Variants in SCAI observed in about 807,000 individuals in gnomAD.
SCAI encodes the protein suppressor of cancer cell invasion.
Under a neutral mutation model 92.2 loss-of-function variants are expected in SCAI, and 24 were observed. That is an observed-to-expected ratio of 0.26 (90% CI 0.19 to 0.37). SCAI has a LOEUF of 0.37. Among genes scored for constraint, SCAI ranks in the 10% least tolerant of loss-of-function variants. SCAI has a pLI of 1.00. For missense variants in SCAI, 450 were observed against 736.2 expected, an observed-to-expected ratio of 0.61 and a Z score of 4.50; for synonymous variants, 261 against 258.6, an observed-to-expected ratio of 1.01 and a Z score of -0.09.
intron 15 of SCAI, among the ~76,000 whole-genome samples, chr9:124,972,909 T>A (rs936002271): frequency 6.6e-6 from 1 of 152,224 alleles, no homozygotes; most frequent in Non-Finnish European, 1.5e-5. Context: ...AAGTTCATTC[T>A]CTAGGACATT....
At chr9:125,141,896 G>A (rs564915634) in intron 2 of SCAI, among the ~76,000 whole-genome samples, 1 of 152,308 alleles carries the variant, frequency 6.6e-6, no homozygotes, top group South Asian at 2.1e-4. Flanking sequence ...TTCGTACACA[G>A]TACTTGGCAC....
At chr9:124,992,160 C>T (rs1832141693) in intron 14 of SCAI, among the ~76,000 whole-genome samples, 2 of 152,148 alleles carry the variant, frequency 1.3e-5, no homozygotes, top group South Asian at 4.1e-4. Flanking sequence ...TCAAGTGATC[C>T]TCTTGCCTTG....
chr9:125,143,320 G>A, intron 1 of SCAI, 65 bp downstream of exon 1: 11 of 1,002,462 alleles, frequency 1.1e-5, no homozygotes, highest in Non-Finnish European at 1.4e-5. Context: ...CCGAGCCGCT[G>A]CCCCTGGGCC....
chr9:124,964,972 T>G (rs564125153), intron 17 of SCAI, among the ~76,000 whole-genome samples: 1 of 151,724 alleles, frequency 6.6e-6, no homozygotes, highest in Non-Finnish European at 1.5e-5. Context: ...TTCACTTCTC[T>G]TCCTTACTAA....
At chr9:124,968,910 G>A in intron 17 of SCAI, 19 of 431,348 alleles carry the variant, frequency 4.4e-5, no homozygotes, top group South Asian at 2.3e-4. Flanking sequence ...CCAAACTGTA[G>A]GAAATCTCCA....
chr9:125,128,879 A>G (rs761595194), intron 2 of SCAI, among the ~76,000 whole-genome samples: 10 of 151,962 alleles, frequency 6.6e-5, no homozygotes, highest in Non-Finnish European at 1.5e-4. Context: ...CCTGGCCAAC[A>G]TGGAGAAACC....
chr9:125,044,127 G>A (rs952429632), intron 3 of SCAI, among the ~76,000 whole-genome samples: 5 of 152,112 alleles, frequency 3.3e-5, no homozygotes, highest in Non-Finnish European at 7.4e-5. Flanking sequence ...TGCTCATGAC[G>A]GCACTGATTC....
intron 6 of SCAI, among the ~76,000 whole-genome samples, chr9:125,021,868 G>A (rs1403869378): frequency 6.6e-6 from 1 of 152,066 alleles, no homozygotes; most frequent in Non-Finnish European, 1.5e-5. Context: ...AGCCTTCTGA[G>A]TAGCTGGCCT....
intron 2 of SCAI, among the ~76,000 whole-genome samples, chr9:125,057,418 A>C (rs1270023940): frequency 6.6e-6 from 1 of 152,164 alleles, no homozygotes; most frequent in Admixed American, 6.5e-5. Flanking sequence ...TAATGACTAA[A>C]TTTCCCAGAA....
At chr9:124,963,888 TGGA>T (rs1193625152) in intron 17 of SCAI, among the ~76,000 whole-genome samples, 2 of 150,322 alleles carry the variant, frequency 1.3e-5, no homozygotes, top group Admixed American at 1.3e-4. Flanking sequence ...GAGTAGGCTG[TGGA>T]GGAGGAGGAG....
intron 2 of SCAI, among the ~76,000 whole-genome samples, chr9:125,109,920 T>G (rs1834898599): frequency 1.3e-5 from 2 of 152,258 alleles, no homozygotes; most frequent in Non-Finnish European, 1.5e-5. Flanking sequence ...ACTCCTGACC[T>G]CAAGTGACCC....
At chr9:125,142,956 A>G (rs1434570097) in intron 1 of SCAI, among the ~76,000 whole-genome samples, 2 of 150,730 alleles carry the variant, frequency 1.3e-5, no homozygotes, top group Non-Finnish European at 3.0e-5. Context: ...GCTCCCCAAA[A>G]TCACCCACCT....
In SCAI at chr9:125,073,092, A is replaced by ATTTTTTTTTTTTTTTTTTTTT. The variant is rs764858681; in HGVS notation, c.99-17106_99-17086dup. ...GGATCATATGAGGATTCTATTTTTA[A>ATTTTTTTTTTTTTTTTTTTTT]TTTTTTTTTTTTTTTTTTTTTTTTT... On this transcript the variant is annotated intron_variant, in intron 2 of 17. Coordinates refer to ENST00000336505, the MANE Select transcript of SCAI (RefSeq NM_001144877.3). 8.3e-5 allele frequency among the ~76,000 whole-genome samples: 6 copies of ATTTTTTTTTTTTTTTTTTTTT among 72,478 alleles called. 1 individual carries two copies. Among genetic ancestry groups the ATTTTTTTTTTTTTTTTTTTTT allele is most frequent in the African/African-American group, 2.2e-4 (4 of 18,512 alleles). The allele number at this position is 72,478 out of a possible 152,430, so 47.5% of individuals were successfully genotyped here. A position where few individuals can be genotyped will look rare whatever the true frequency, so the allele number is the denominator to read the frequency against.
chr9:125,074,961 A>C (rs1308266826), intron 2 of SCAI, among the ~76,000 whole-genome samples: 1 of 152,070 alleles, frequency 6.6e-6, no homozygotes, highest in Non-Finnish European at 1.5e-5. Flanking sequence ...ACACCACTAC[A>C]CTTCAGTCTG....
intron 9 of SCAI, among the ~76,000 whole-genome samples, chr9:125,003,854 C>T (rs1045940439): frequency 1.3e-5 from 2 of 152,062 alleles, no homozygotes; most frequent in Non-Finnish European, 2.9e-5. Flanking sequence ...AATAAACTTC[C>T]TCAGGTTTTG....
chr9:124,960,139 A>G (rs994033932), intron 17 of SCAI, among the ~76,000 whole-genome samples: 6 of 152,186 alleles, frequency 3.9e-5, no homozygotes, highest in African/African-American at 4.8e-5. Flanking sequence ...ACACATACCA[A>G]TACTATGACC....
Position 125,091,086 on chromosome 9 carries a change from C to T in SCAI, c.99-35079G>A, listed in dbSNP as rs368509095. 3.3e-5 allele frequency among the ~76,000 whole-genome samples: 5 copies of T among 152,266 alleles called. No homozygotes were observed. The highest frequency in any genetic ancestry group is 3.3e-4 in the Admixed American group (5 of 15,298). ...GAGCTGAGATCGCGCCACTGCACTC[C>T]AGCCTGGGTGACAAAGCGAGACTCT... is the stretch of plus-strand genomic sequence containing the variant. On this transcript the variant is annotated intron_variant, in intron 2 of 17. Transcript: ENST00000336505. The surrounding 1 kb of genome is among the most constrained non-coding windows in gnomAD (Gnocchi z 4.3).
chr9:125,036,155 TAAATAAATAAAATA>T (rs1420049579), intron 3 of SCAI, among the ~76,000 whole-genome samples: 2 of 151,648 alleles, frequency 1.3e-5, no homozygotes, highest in Admixed American at 6.6e-5. Flanking sequence ...GTCTTAAAAA[TAAATAAATAAAATA>T]AAATGAATAA....
At chr9:125,025,429 A>C (rs960667689) in intron 6 of SCAI, among the ~76,000 whole-genome samples, 2 of 152,266 alleles carry the variant, frequency 1.3e-5, no homozygotes, top group African/African-American at 4.8e-5. Flanking sequence ...TCAAATTAGA[A>C]AATGCAGAAA....
Sources: gnomAD v4.1 joint callset for allele counts (sites outside exome capture counted in the v4.1 genomes callset) on GRCh38, gnomAD v4.1.1 for gene constraint, Gnocchi (gnomAD v3.1) non-coding constraint, MANE v1.5 for transcripts, NCBI Gene and HGNC (gene_info 2026-07-23, HGNC 2026-07-21) for gene names.